MAGI2: variants seen among roughly 807,000 people sequenced by gnomAD.
The protein encoded by MAGI2 is membrane-associated guanylate kinase, WW and PDZ domain-containing protein 2.
In MAGI2, 35 loss-of-function variants were observed where a neutral mutation model predicts 133.3. That is an observed-to-expected ratio of 0.26 (90% confidence interval 0.20 to 0.35). The LOEUF is 0.35. Among genes scored for constraint, MAGI2 ranks in the 10% least tolerant of loss-of-function variants. The pLI is 1.00. For synonymous variants in MAGI2, 729 were observed against 710.6 expected, an observed-to-expected ratio of 1.03 and a Z score of -0.41; for missense variants, 1,636 against 1,863.4, an observed-to-expected ratio of 0.88 and a Z score of 2.25.
In MAGI2 at chr7:79,056,349, T is replaced by C. The variant is rs368460870; in HGVS notation, c.302-49143A>G. 2.6e-5 allele frequency among the ~76,000 whole-genome samples: 4 copies of C among 152,164 alleles called. No homozygotes were observed. The East Asian group carries it at 7.7e-4, about 29-fold the overall frequency. On this transcript the variant is annotated intron_variant, in intron 1 of 21. Coordinates refer to ENST00000354212, the MANE Select transcript of MAGI2 (RefSeq NM_012301.4). ...TCACTGCATTCCAGCCTGGTAGATT[T>C]TTTTCTAAAGAAAAAAAATCACGTA...
At chr7:78,300,457 C>T (rs898905107) in intron 9 of MAGI2, among the ~76,000 whole-genome samples, 6 of 152,218 alleles carry the variant, frequency 3.9e-5, no homozygotes, top group African/African-American at 9.6e-5. Flanking sequence ...CCATAAACAA[C>T]GTGAAATTTC....
chr7:78,566,746 T>C (rs1248024254), intron 3 of MAGI2, among the ~76,000 whole-genome samples: 1 of 152,194 alleles, frequency 6.6e-6, no homozygotes, highest in Non-Finnish European at 1.5e-5. Context: ...TTATCTTTTC[T>C]TCTATAATTT....
rs570799358 is a variant in MAGI2 at position 79,224,180 on chromosome 7, C to T, written c.302-216974G>A. 3.9e-4 allele frequency among the ~76,000 whole-genome samples: 59 copies of T among 152,150 alleles called. 3 individuals are homozygous for T. The highest frequency in any genetic ancestry group is 1.4e-3 in the African/African-American group (57 of 41,426). ...TAAACTGTTCTTGTTGACTCTCCCT[C>T]ATATCTACCCCAAGGTCTCCTCCAA... On this transcript the variant is annotated intron_variant, in intron 1 of 21. Coordinates refer to ENST00000354212, the MANE Select transcript of MAGI2 (RefSeq NM_012301.4).
intron 1 of MAGI2, among the ~76,000 whole-genome samples, chr7:79,384,473 C>T (rs1375976116): frequency 6.6e-6 from 1 of 151,194 alleles, no homozygotes; most frequent in Non-Finnish European, 1.5e-5. Flanking sequence ...TAACTTAGAT[C>T]ATTTGCTATA....
intron 2 of MAGI2, among the ~76,000 whole-genome samples, chr7:78,826,505 T>C (rs953545792): frequency 2.6e-5 from 4 of 152,054 alleles, no homozygotes; most frequent in African/African-American, 9.7e-5. Context: ...TTGGTGGTAG[T>C]GGGGGCAGTG....
At chr7:78,921,776 C>G (rs1309348408) in intron 2 of MAGI2, among the ~76,000 whole-genome samples, 2 of 152,024 alleles carry the variant, frequency 1.3e-5, no homozygotes, top group Non-Finnish European at 2.9e-5. Flanking sequence ...GGACTACAGG[C>G]ACACACAATC....
At chr7:79,394,142 G>A (rs1844873454) in intron 1 of MAGI2, among the ~76,000 whole-genome samples, 1 of 152,056 alleles carries the variant, frequency 6.6e-6, no homozygotes, top group South Asian at 2.1e-4. Flanking sequence ...ACCTCACCTG[G>A]TTCTATGCAG....
At chr7:79,201,031 T>C (rs1828565406) in intron 1 of MAGI2, among the ~76,000 whole-genome samples, 1 of 151,962 alleles carries the variant, frequency 6.6e-6, no homozygotes. Flanking sequence ...GGGCTTTCGG[T>C]CTACAAGATA....
intron 1 of MAGI2, among the ~76,000 whole-genome samples, chr7:79,300,866 C>T (rs890243484): frequency 6.6e-6 from 1 of 152,202 alleles, no homozygotes; most frequent in Non-Finnish European, 1.5e-5. Context: ...CCTGGAGATA[C>T]TGCTCTCACA....
At chr7:78,600,826 T>C (rs1805121676) in intron 3 of MAGI2, among the ~76,000 whole-genome samples, 1 of 152,118 alleles carries the variant, frequency 6.6e-6, no homozygotes. Context: ...TGTGTAAAAT[T>C]GATAAATCAA....
intron 2 of MAGI2, among the ~76,000 whole-genome samples, chr7:78,641,613 T>A (rs1375552913): frequency 1.3e-5 from 2 of 152,216 alleles, no homozygotes; most frequent in Admixed American, 6.5e-5. Context: ...TGCCAGCATT[T>A]GAGTGCACTA....
chr7:79,095,791 T>TA (rs1405373419), intron 1 of MAGI2, among the ~76,000 whole-genome samples: 2 of 152,060 alleles, frequency 1.3e-5, no homozygotes, highest in African/African-American at 4.8e-5. Context: ...ATGAAAATAA[T>TA]AAAAAAGTTT....
intron 3 of MAGI2, among the ~76,000 whole-genome samples, chr7:78,612,735 T>C (rs1806597211): frequency 1.3e-5 from 2 of 152,102 alleles, no homozygotes; most frequent in South Asian, 4.2e-4. Flanking sequence ...AGTGGAGGGA[T>C]CTCTGCTCAG....
chr7:78,070,334 G>A (rs1219871721), intron 21 of MAGI2, among the ~76,000 whole-genome samples: 1 of 148,666 alleles, frequency 6.7e-6, no homozygotes, highest in African/African-American at 2.5e-5. Context: ...AGGAAGATAT[G>A]CTCAACCATG....
chr7:78,172,651 G>A (rs1046603249), intron 14 of MAGI2, among the ~76,000 whole-genome samples: 1 of 152,336 alleles, frequency 6.6e-6, no homozygotes, highest in African/African-American at 2.4e-5. Flanking sequence ...CCGTGCTGTT[G>A]TGTTTAATGT....
chr7:79,196,015 A>G (rs773047094), intron 1 of MAGI2, among the ~76,000 whole-genome samples: 1 of 151,944 alleles, frequency 6.6e-6, no homozygotes, highest in Non-Finnish European at 1.5e-5. Flanking sequence ...AGTTGAGAAT[A>G]TCTATTGTAC....
At chr7:79,365,523 G>A (rs1027876665) in intron 1 of MAGI2, among the ~76,000 whole-genome samples, 4 of 152,018 alleles carry the variant, frequency 2.6e-5, no homozygotes, top group Admixed American at 1.3e-4. Flanking sequence ...TATACAATGG[G>A]ATACTACTCA....
At position 79,260,320 on chromosome 7, in the gene MAGI2, C is replaced by T. The variant is rs149199811; in HGVS notation, c.301+192700G>A. Among the ~76,000 whole-genome samples, 509 of 152,208 alleles carry T rather than the reference C, an allele frequency of 3.3e-3. 1 individual carries two copies. Among genetic ancestry groups the T allele is most frequent in the African/African-American group, 0.012 (489 of 41,520 alleles). On this transcript the variant is annotated intron_variant, in intron 1 of 21. Coordinates refer to ENST00000354212, the MANE Select transcript of MAGI2 (RefSeq NM_012301.4). ...GCAGTGAGCTGAGATCGTGCCACTG[C>T]ACTCCAGCCTGGGTGACACAGTGAG...
At chr7:79,451,272 C>A (rs182078885) in intron 1 of MAGI2, among the ~76,000 whole-genome samples, 2 of 152,158 alleles carry the variant, frequency 1.3e-5, no homozygotes, top group African/African-American at 4.8e-5. Context: ...TTTGCAGCCA[C>A]GTTCCATGAC....
Sources: gnomAD v4.1 joint callset for allele counts (sites outside exome capture counted in the v4.1 genomes callset) on GRCh38, gnomAD v4.1.1 for gene constraint, MANE v1.5 for transcripts, NCBI Gene and HGNC (gene_info 2026-07-23, HGNC 2026-07-21) for gene names.